ADTRP: variants seen among roughly 807,000 people sequenced by gnomAD.
ADTRP encodes androgen dependent TFPI regulating protein, also known as androgen-dependent TFPI-regulating protein.
A neutral mutation model predicts 27.0 loss-of-function variants in ADTRP; 20 were observed. The observed-to-expected ratio is 0.74, with a 90% CI of 0.52 to 1.08. ADTRP has a LOEUF of 1.08. ADTRP is among the 50% of genes least tolerant of loss of function. The pLI, the probability that ADTRP is intolerant of heterozygous loss-of-function variation, is 0.00. For missense variants in ADTRP, 251 were observed against 275.0 expected, an observed-to-expected ratio of 0.91 and a Z score of 0.62; for synonymous variants, 101 against 105.2, an observed-to-expected ratio of 0.96 and a Z score of 0.25.
chr6:11,777,233 AAGTC>A (rs756129120), intron 1 of ADTRP, among the ~76,000 whole-genome samples: 22 of 139,362 alleles, frequency 1.6e-4, no homozygotes, highest in Non-Finnish European at 1.1e-4. Context: ...TAGAATTAAA[AAGTC>A]AGGATCAGTT....
At chr6:11,768,676 A>T (rs1763652428) in intron 1 of ADTRP, among the ~76,000 whole-genome samples, 1 of 152,184 alleles carries the variant, frequency 6.6e-6, no homozygotes, top group African/African-American at 2.4e-5. Flanking sequence ...TAAAAGGGGA[A>T]TGTAAGGAGA....
At chr6:11,769,601 T>G (rs1763697369) in intron 1 of ADTRP, among the ~76,000 whole-genome samples, 1 of 152,114 alleles carries the variant, frequency 6.6e-6, no homozygotes, top group African/African-American at 2.4e-5. Context: ...AGATTGTTTA[T>G]CTGGGTGGGA....
chr6:11,735,969 G>T (rs75743169), intron 3 of ADTRP: 30 of 276,998 alleles, frequency 1.1e-4, no homozygotes, highest in African/African-American at 2.9e-4. Context: ...TGGCGGGGGT[G>T]GGGGGTGGAG....
Position 11,767,863 on chromosome 6 carries a change from G to A in ADTRP, c.288+386C>T, listed in dbSNP as rs547951604. 3.2e-4 allele frequency: 54 copies of A among 166,466 alleles called. No individual in the cohort carries two copies. The South Asian group carries it at 9.7e-3, about 30-fold the overall frequency. 10.3% of individuals were successfully genotyped at this position (166,466 alleles called of 1,614,324 possible). On this transcript the variant is annotated intron_variant, in intron 2 of 5. Transcript: ENST00000414691. ...CTTGCAGAAGTAACATATACTTATC[G>A]TAGCAAGTGAAACAAGATGTATAAA...
intron 2 of ADTRP, chr6:11,767,952 G>T: frequency 3.3e-6 from 1 of 304,446 alleles, no homozygotes; most frequent in Non-Finnish European, 6.0e-6. Context: ...TGGAACCAAG[G>T]TTGTCTCAGT....
At position 11,735,667 on chromosome 6, in the gene ADTRP, G is replaced by A; in HGVS notation, c.407C>T (p.Pro136Leu). The A allele has an allele frequency of 6.2e-7, 1 of 1,613,518 alleles. No homozygotes were observed. Among genetic ancestry groups the A allele is most frequent in the South Asian group, 1.1e-5 (1 of 91,024 alleles). The change falls in exon 4 of 6, where the codon CCC becomes CTC. Residue 136 changes from proline (P) to leucine (L), a missense_variant. By Grantham distance (98) the Pro-to-Leu change is moderately conservative (BLOSUM62 -3). Coordinates refer to ENST00000414691, the MANE Select transcript of ADTRP (RefSeq NM_032744.4). ...LNHAMHTFIF[P>L]ITLAEVVLRP... is the part of the protein sequence containing the mutation. ...GAGGACGACTTCAGCCAATGTGATG[G>A]GGAATATGAAAGTGTGCTGCAGGAG...
chr6:11,748,858 G>A (rs1186581612), intron 3 of ADTRP, among the ~76,000 whole-genome samples: 1 of 152,210 alleles, frequency 6.6e-6, no homozygotes, highest in African/African-American at 2.4e-5. Flanking sequence ...AGTGCCAGGG[G>A]GAGAGAAGCT....
chr6:11,723,344 C>T lies in ADTRP; in HGVS notation c.658+5G>A. The T allele has an allele frequency of 6.2e-7, 1 of 1,613,954 alleles. No individual in the cohort carries two copies. The highest frequency in any genetic ancestry group is 1.1e-5 in the South Asian group (1 of 91,030). On this transcript the variant is annotated splice_donor_5th_base_variant and intron_variant, in intron 5 of 5. Coordinates refer to ENST00000414691, the MANE Select transcript of ADTRP (RefSeq NM_032744.4). ...CATCTGTAGCTAAGAAAGAAATACACTGACCCCATTTCCAGTGGTTGAGCT... is the reference window on the plus strand; with the variant it reads ...CATCTGTAGCTAAGAAAGAAATACATTGACCCCATTTCCAGTGGTTGAGCT...
intron 5 of ADTRP, among the ~76,000 whole-genome samples, chr6:11,719,937 G>T (rs1761962659): frequency 6.6e-6 from 1 of 152,180 alleles, no homozygotes; most frequent in African/African-American, 2.4e-5. Context: ...TCCTCAGCAA[G>T]TCATCTGAGG....
chr6:11,748,731 A>G lies in ADTRP; in HGVS notation c.391-13048T>C, dbSNP rs545185689. Reference sequence around the variant, plus strand: ...GTGTTCTAAAAGCTACAGCTGAGCCATGGGAGAGCAGATGGGGAGCATCTT... The same window carrying G: ...GTGTTCTAAAAGCTACAGCTGAGCCGTGGGAGAGCAGATGGGGAGCATCTT... On this transcript the variant is annotated intron_variant, in intron 3 of 5. Coordinates refer to ENST00000414691, the MANE Select transcript of ADTRP (RefSeq NM_032744.4). 3.3e-5 allele frequency among the ~76,000 whole-genome samples: 5 copies of G among 152,368 alleles called. No individual in the cohort carries two copies. In the East Asian group the frequency reaches 9.6e-4, roughly 29 times the overall value.
At chr6:11,746,632 C>T (rs1207559770) in intron 3 of ADTRP, among the ~76,000 whole-genome samples, 1 of 152,132 alleles carries the variant, frequency 6.6e-6, no homozygotes, top group Non-Finnish European at 1.5e-5. Context: ...GGCTGATTGA[C>T]AAGAGTGGTC....
At chr6:11,770,146 G>A in intron 1 of ADTRP, 1 of 1,468,466 alleles carries the variant, frequency 6.8e-7, no homozygotes, top group Non-Finnish European at 9.3e-7. Context: ...ATAAAGCATT[G>A]TGGGAGGTCA....
chr6:11,774,871 G>A (rs1763902699), intron 1 of ADTRP, among the ~76,000 whole-genome samples: 1 of 152,242 alleles, frequency 6.6e-6, no homozygotes, highest in South Asian at 2.1e-4. Flanking sequence ...GAGAGCAAGG[G>A]ACATAGCATT....
chr6:11,745,983 G>T (rs1762854847), intron 3 of ADTRP, among the ~76,000 whole-genome samples: 1 of 152,206 alleles, frequency 6.6e-6, no homozygotes, highest in South Asian at 2.1e-4. Flanking sequence ...TAGAGATGGG[G>T]TTTCACCATG....
intron 3 of ADTRP, chr6:11,738,419 A>T (rs1762613018): frequency 1.3e-5 from 2 of 152,330 alleles, no homozygotes. Context: ...CCACCTCAGC[A>T]GGCAGGAGAT....
intron 1 of ADTRP, chr6:11,769,881 T>A (rs9394302): frequency 4.0e-6 from 3 of 750,150 alleles, no homozygotes; most frequent in Non-Finnish European, 4.3e-6. Flanking sequence ...CTCAAAAATC[T>A]TACTACTCAA....
intron 3 of ADTRP, among the ~76,000 whole-genome samples, chr6:11,753,793 T>A (rs1288455047): frequency 2.6e-5 from 4 of 152,226 alleles, no homozygotes; most frequent in African/African-American, 9.6e-5. Flanking sequence ...CATCTTATTA[T>A]CATCTCTTAG....
intron 4 of ADTRP, among the ~76,000 whole-genome samples, chr6:11,727,964 AGGGAGGGAGGTAGGTAGGGAGGGAGG>A (rs1762267377): frequency 2.3e-5 from 1 of 42,682 alleles, no homozygotes. Flanking sequence ...GGAGGCAGGG[AGGGAGGGAGGTAGGTAGGGAGGGAGG>A]GAGGGAGGGA....
rs761390537 is a variant in ADTRP, at chr6:11,778,629, T to A, written c.131A>T (p.Lys44Ile). 1.4e-5 allele frequency: 23 copies of A among 1,614,120 alleles called. No individual in the cohort carries two copies. The highest frequency in any genetic ancestry group is 1.9e-5 in the Non-Finnish European group (22 of 1,180,056). ...TACCAGATTAAGCAGCGTCATATAT[T>A]TCCACCTTGCACCATTTGCCAAGAT... ...PKILANGARW[K>I]YMTLLNLLLQ... The change falls in exon 1 of 6, where the codon AAA (lysine) becomes ATA (isoleucine). Residue 44 changes from lysine to isoleucine, a missense_variant. Lys to Ile is a moderately radical substitution (Grantham distance 102, BLOSUM62 -3). Coordinates refer to ENST00000414691, the MANE Select transcript of ADTRP (RefSeq NM_032744.4).
Sources: gnomAD v4.1 joint callset for allele counts (sites outside exome capture counted in the v4.1 genomes callset) on GRCh38, gnomAD v4.1.1 for gene constraint, MANE v1.5 for transcripts, NCBI Gene and HGNC (gene_info 2026-07-23, HGNC 2026-07-21) for gene names.